The following CHCHD4 variants were observed in gnomAD, a reference collection of about 807,000 sequenced individuals.
The protein encoded by CHCHD4 is coiled-coil-helix-coiled-coil-helix domain containing 4.
In CHCHD4, 7 loss-of-function variants were observed where a neutral mutation model predicts 12.4. The ratio of observed to expected loss-of-function variants is 0.57; its 90% CI spans 0.32 to 1.06. CHCHD4 has a LOEUF of 1.06. Ranked by LOEUF, CHCHD4 falls within the 50% of genes least tolerant of loss-of-function variation. CHCHD4 has a pLI of 0.04. For synonymous variants in CHCHD4, 56 were observed against 58.0 expected, an observed-to-expected ratio of 0.97 and a Z score of 0.16; for missense variants, 143 against 175.1, an observed-to-expected ratio of 0.82 and a Z score of 1.03.
intron 1 of CHCHD4, among the ~76,000 whole-genome samples, chr3:14,121,518 T>C (rs1326163733): frequency 1.3e-5 from 2 of 152,230 alleles, no homozygotes; most frequent in Non-Finnish European, 2.9e-5. Context: ...AATGCCCCTG[T>C]GTCCTGCAGA....
intron 1 of CHCHD4, among the ~76,000 whole-genome samples, chr3:14,121,369 C>A (rs1694932213): frequency 6.6e-6 from 1 of 152,152 alleles, no homozygotes. Context: ...CCAGTCCCAG[C>A]AGAAAGCAGG....
At chr3:14,124,285 G>C (rs1344287540) in intron 1 of CHCHD4, among the ~76,000 whole-genome samples, 2 of 152,212 alleles carry the variant, frequency 1.3e-5, no homozygotes, top group Non-Finnish European at 2.9e-5. Context: ...AAACACGTGG[G>C]GTATGGCAGG....
At chr3:14,124,167 G>A (rs1042717751) in intron 1 of CHCHD4, among the ~76,000 whole-genome samples, 5 of 152,320 alleles carry the variant, frequency 3.3e-5, no homozygotes, top group African/African-American at 1.2e-4. Flanking sequence ...GGTAGCAGGG[G>A]GCTCAAAAAC....
chr3:14,120,825 A>G (rs761746182), intron 1 of CHCHD4, among the ~76,000 whole-genome samples: 6 of 152,222 alleles, frequency 3.9e-5, no homozygotes, highest in Non-Finnish European at 7.3e-5. Context: ...GAGAAACACG[A>G]AGGGTGGCTT....
At chr3:14,123,412 G>A (rs1480228694) in intron 1 of CHCHD4, among the ~76,000 whole-genome samples, 1 of 152,204 alleles carries the variant, frequency 6.6e-6, no homozygotes, top group African/African-American at 2.4e-5. Context: ...GTAATCAGCG[G>A]AAATATAATA....
chr3:14,113,070 G>C lies in CHCHD4; in HGVS notation c.246C>G (p.Ile82Met), dbSNP rs573911855. Residue 82 changes from isoleucine to methionine, a missense_variant, in exon 3 of 3, where the codon ATC (isoleucine) becomes ATG (methionine). Ile to Met is a conservative substitution (Grantham distance 10). Transcript: ENST00000396914. ...ACTGGTCTACACAGTCTGACCCCTT[G>C]ATCTCCTCCGTGCTATAGTGGAAGC... ...FSCFHYSTEEIKGSDCVDQFR... is the reference protein window; with the variant it reads ...FSCFHYSTEEMKGSDCVDQFR... 33 of 1,614,036 alleles carry C rather than the reference G, an allele frequency of 2.0e-5. 1 individual carries two copies. In the South Asian group the frequency reaches 3.5e-4, roughly 17 times the overall value.
intron 1 of CHCHD4, among the ~76,000 whole-genome samples, chr3:14,124,414 A>T (rs1694978442): frequency 6.6e-6 from 1 of 152,088 alleles, no homozygotes. Context: ...GGCCCCTCTG[A>T]GGTCAGGGTT....
chr3:14,115,355 C>T (rs943813099), intron 2 of CHCHD4, among the ~76,000 whole-genome samples: 10 of 136,990 alleles, frequency 7.3e-5, no homozygotes, highest in Middle Eastern at 3.7e-3. Context: ...CTTTTAATAA[C>T]ACTGTGAGGC....
At chr3:14,121,909 CAACA>C in intron 1 of CHCHD4, 1 of 1,614,154 alleles carries the variant, frequency 6.2e-7, no homozygotes, top group Non-Finnish European at 8.5e-7. Flanking sequence ...AAGTTTAGCT[CAACA>C]AACCTTCCTC....
At chr3:14,119,018 T>G (rs571824167) in intron 1 of CHCHD4, 1 of 152,406 alleles carries the variant, frequency 6.6e-6, no homozygotes, top group African/African-American at 2.4e-5. Context: ...TGAATCGAGC[T>G]CTCTGCCATG....
At chr3:14,114,140 T>G (rs1694850909) in intron 2 of CHCHD4, among the ~76,000 whole-genome samples, 1 of 152,210 alleles carries the variant, frequency 6.6e-6, no homozygotes, top group Non-Finnish European at 1.5e-5. Flanking sequence ...CACTCTGCAC[T>G]AACGTCCAAA....
chr3:14,123,711 T>C (rs767054092), intron 1 of CHCHD4, among the ~76,000 whole-genome samples: 2 of 152,158 alleles, frequency 1.3e-5, no homozygotes, highest in African/African-American at 2.4e-5. Context: ...TCATGAGTAT[T>C]TGCCGTATCA....
chr3:14,124,845 G>A lies in CHCHD4; in HGVS notation c.-169C>T. 1 of 763,588 alleles carries A rather than the reference G, an allele frequency of 1.3e-6. No homozygotes were observed. Among genetic ancestry groups the A allele is most frequent in the Non-Finnish European group, 2.1e-6 (1 of 484,304 alleles). The allele number at this position is 763,588 out of a possible 1,614,324, so 47.3% of individuals were successfully genotyped here. A position where few individuals can be genotyped will look rare whatever the true frequency, so the allele number is the denominator to read the frequency against. ...CCTGCCTCGGCGCCCTCGCAACCGC[G>A]GCCAGGCCAACCTCAGCCGGAAACT... On this transcript the variant is annotated 5_prime_UTR_variant, in exon 1 of 3. Transcript: ENST00000396914.
intron 2 of CHCHD4, among the ~76,000 whole-genome samples, chr3:14,114,429 G>C (rs940213335): frequency 6.6e-6 from 1 of 152,128 alleles, no homozygotes; most frequent in African/African-American, 2.4e-5. Context: ...AGTCTCTGGG[G>C]TTCATGGTCC....
Position 14,116,516 on chromosome 3 carries a change from G to T in CHCHD4, c.31C>A (p.Arg11=). Residue 11 remains arginine (R), a synonymous_variant, in exon 2 of 3, where the codon CGA becomes AGA. Coordinates refer to ENST00000396914, the MANE Select transcript of CHCHD4 (RefSeq NM_001098502.2). ...TCTTCTTTGGTTACAAATATGATTC[G>T]ATCCTTCCCTAGTGTTTGGAGAACA... MSYCRQEGKD[R]IIFVTKEDHE... is the part of the protein sequence containing the mutation. The T allele has an allele frequency of 6.2e-7, 1 of 1,607,568 alleles. No homozygotes were observed. The highest frequency in any genetic ancestry group is 2.2e-5 in the East Asian group (1 of 44,846).
rs763882380 is a variant in CHCHD4 at position 14,116,454 on chromosome 3, A to G, written c.93T>C (p.Asp31=). 2.5e-6 allele frequency: 4 copies of G among 1,605,056 alleles called. No individual in the cohort carries two copies. Among genetic ancestry groups the G allele is most frequent in the Non-Finnish European group, 2.5e-6 (3 of 1,178,148 alleles). ...GCTCCTCGTATGGATCGTTGGGGTC[A>G]TCAGCCACCAATTCTGCACTGCTTG... ...ETPSSAELVA[D]DPNDPYEEHG... Residue 31 remains aspartate, a synonymous_variant, in exon 2 of 3, where the codon GAT becomes GAC. Coordinates refer to ENST00000396914, the MANE Select transcript of CHCHD4 (RefSeq NM_001098502.2).
chr3:14,123,831 G>A (rs1305978642), intron 1 of CHCHD4, among the ~76,000 whole-genome samples: 9 of 152,168 alleles, frequency 5.9e-5, no homozygotes, highest in Non-Finnish European at 2.9e-5. Context: ...GAGGCCCTCC[G>A]ACCTGTGGCT....
chr3:14,120,512 GC>G (rs1271563275), intron 1 of CHCHD4, among the ~76,000 whole-genome samples: 1 of 152,072 alleles, frequency 6.6e-6, no homozygotes, highest in East Asian at 1.9e-4. Flanking sequence ...ATTTCTCCCT[GC>G]TTTCACCTCC....
chr3:14,121,896 T>C, intron 1 of CHCHD4: 1 of 1,614,170 alleles, frequency 6.2e-7, no homozygotes, highest in Non-Finnish European at 8.5e-7. Flanking sequence ...ATGCAAGTGT[T>C]AGAAGTTTAG....
Sources: gnomAD v4.1 joint callset for allele counts (sites outside exome capture counted in the v4.1 genomes callset) on GRCh38, gnomAD v4.1.1 for gene constraint, MANE v1.5 for transcripts, NCBI Gene and HGNC (gene_info 2026-07-23, HGNC 2026-07-21) for gene names.